Variants in ATG3 observed in about 807,000 individuals in gnomAD.
The protein encoded by ATG3 is ubiquitin-like-conjugating enzyme ATG3.
ATG3 carries 25 observed loss-of-function variants against 50.7 expected under a neutral mutation model. That is an observed-to-expected ratio of 0.49 (90% CI 0.36 to 0.69). The LOEUF (loss-of-function observed/expected upper bound fraction) is 0.69. Ranked by LOEUF, ATG3 falls within the 30% of genes least tolerant of loss-of-function variation. ATG3 has a pLI of 0.00. For missense variants in ATG3, 281 were observed against 376.0 expected (o/e 0.75, Z 2.09); for synonymous variants, 119 against 125.5 (o/e 0.95, Z 0.34).
intron 10 of ATG3, chr3:112,535,032 T>C (rs563435248): frequency 1.8e-4 from 28 of 152,270 alleles, no homozygotes; most frequent in African/African-American, 6.3e-4. Flanking sequence ...TATGAAGTTT[T>C]TGTCCTATCT....
intron 7 of ATG3, chr3:112,538,444 G>A (rs1388442): frequency 0.99 from 329,831 of 334,684 alleles, 162,545 homozygotes; most frequent in Admixed American, 0.99. Flanking sequence ...GCCTACTTCT[G>A]TAACTGCGTA....
At chr3:112,536,848 G>C in intron 9 of ATG3, 1 of 224,578 alleles carries the variant, frequency 4.5e-6, no homozygotes, top group Non-Finnish European at 8.5e-6. Context: ...GTAAACCCGG[G>C]AGGCAGAGCT....
intron 6 of ATG3, 131 bp from the exon 7 acceptor site, chr3:112,542,015 T>G (rs1933245043): frequency 1.7e-6 from 1 of 599,168 alleles, no homozygotes; most frequent in Non-Finnish European, 2.8e-6. Flanking sequence ...CACAAAAACC[T>G]TAAACTCCAA....
intron 2 of ATG3, 62 bp from the exon 3 acceptor site, chr3:112,553,391 G>A: frequency 3.4e-6 from 5 of 1,472,812 alleles, no homozygotes; most frequent in Non-Finnish European, 4.8e-6. Context: ...ATCACTGAAT[G>A]TGCAAGGTGG....
At position 112,537,743 on chromosome 3, in the gene ATG3, A is replaced by G; in HGVS notation, c.658T>C (p.Tyr220His). 3 of 1,573,266 alleles carry G rather than the reference A, an allele frequency of 1.9e-6. No homozygotes were observed. The highest frequency in any genetic ancestry group is 2.6e-6 in the Non-Finnish European group (3 of 1,165,004). The change falls in exon 9 of 12, where the codon TAT becomes CAT. Residue 220 changes from tyrosine to histidine, a missense_variant. Tyr to His is a moderately conservative substitution (Grantham distance 83). Coordinates refer to ENST00000283290, the MANE Select transcript of ATG3 (RefSeq NM_022488.5). Reference protein sequence around the residue: ...YQTPRLWLFGYDEQRQPLTVE... With the variant: ...YQTPRLWLFGHDEQRQPLTVE... ...ATGCTTTTCATTTTTACCTCATCAT[A>G]GCCAAACAACCATAATCGTGGAGTC...
chr3:112,534,048 T>C (rs1226985063), intron 11 of ATG3: 2 of 1,254,532 alleles, frequency 1.6e-6, no homozygotes, highest in Non-Finnish European at 2.0e-6. Flanking sequence ...GTAACAAGGG[T>C]GAGCTACTGC....
chr3:112,557,646 A>G (rs1238600370), intron 2 of ATG3, among the ~76,000 whole-genome samples: 1 of 152,164 alleles, frequency 6.6e-6, no homozygotes, highest in Non-Finnish European at 1.5e-5. Context: ...AACCACAAAG[A>G]TTTGGAACTA....
chr3:112,561,480 C>T lies in ATG3; in HGVS notation c.49G>A (p.Glu17Lys). The change falls in exon 1 of 12, where the codon GAG becomes AAG. Residue 17 changes from glutamate (E) to lysine (K), a missense_variant. By Grantham distance (56) the Glu-to-Lys change is moderately conservative. Coordinates refer to ENST00000283290, the MANE Select transcript of ATG3 (RefSeq NM_022488.5). ...TVKGKALEVAEYLTPVLKESK... is the reference protein window; with the variant it reads ...TVKGKALEVAKYLTPVLKESK... ...ACCTTGAGGACCGGGGTCAGGTACTCAGCCACTTCCAGTGCCTTTCCCTTC... is the reference window on the plus strand; with the variant it reads ...ACCTTGAGGACCGGGGTCAGGTACTTAGCCACTTCCAGTGCCTTTCCCTTC... 1.2e-6 allele frequency: 2 copies of T among 1,613,444 alleles called. No individual in the cohort carries two copies. The highest frequency in any genetic ancestry group is 1.7e-6 in the Non-Finnish European group (2 of 1,179,994).
intron 7 of ATG3, among the ~76,000 whole-genome samples, chr3:112,540,597 GA>G (rs761619351): frequency 1.3e-5 from 2 of 149,104 alleles, no homozygotes; most frequent in South Asian, 4.2e-4. Context: ...CATTATAGAA[GA>G]AAAAATCTGG....
chr3:112,558,854 A>T (rs1255314493), intron 1 of ATG3, among the ~76,000 whole-genome samples: 1 of 151,834 alleles, frequency 6.6e-6, no homozygotes, highest in Non-Finnish European at 1.5e-5. Context: ...CTCCTGCCTC[A>T]GCCTCCTGCC....
intron 2 of ATG3, among the ~76,000 whole-genome samples, chr3:112,553,725 A>T (rs1933589373): frequency 6.6e-6 from 1 of 152,230 alleles, no homozygotes; most frequent in Non-Finnish European, 1.5e-5. Flanking sequence ...CCAATGACTG[A>T]AAATACAATA....
In ATG3 at chr3:112,544,040, A is replaced by G. The variant is rs1318503073; in HGVS notation, c.393+17T>C. On this transcript the variant is annotated intron_variant, in intron 6 of 11. Transcript: ENST00000283290. ...AACTACTCATTAAATTTAAAAATATAACTAATTAACCAGTACCTTATTTTC... is the reference window on the plus strand; with the variant it reads ...AACTACTCATTAAATTTAAAAATATGACTAATTAACCAGTACCTTATTTTC... 7.7e-6 allele frequency: 12 copies of G among 1,549,648 alleles called. No individual in the cohort carries two copies. Among genetic ancestry groups the G allele is most frequent in the Non-Finnish European group, 1.1e-5 (12 of 1,123,920 alleles).
intron 11 of ATG3, 146 bp from the exon 12 acceptor site, chr3:112,532,926 T>C (rs2082566504): frequency 3.0e-6 from 4 of 1,315,650 alleles, no homozygotes; most frequent in Non-Finnish European, 3.9e-6. Context: ...AATTCAACTA[T>C]GCAAATTTGT....
chr3:112,537,645 G>T, intron 9 of ATG3, 90 bp downstream of exon 9: 1 of 953,902 alleles, frequency 1.0e-6, no homozygotes. Flanking sequence ...GTGAAACACT[G>T]CAATAAATAC....
Position 112,553,240 on chromosome 3 carries a change from C to T in ATG3, c.164+40G>A, listed in dbSNP as rs754996937. On this transcript the variant is annotated intron_variant, in intron 3 of 11. Coordinates refer to ENST00000283290, the MANE Select transcript of ATG3 (RefSeq NM_022488.5). ...AAATTGCTATAATTCTGAAGCCATGCATTTTACTAATTTTCTATTCTTTAC... is the reference window on the plus strand; with the variant it reads ...AAATTGCTATAATTCTGAAGCCATGTATTTTACTAATTTTCTATTCTTTAC... 1.8e-5 allele frequency: 27 copies of T among 1,533,866 alleles called. No individual in the cohort carries two copies. In the South Asian group the frequency reaches 2.9e-4, roughly 17 times the overall value.
At position 112,561,785 on chromosome 3, in the gene ATG3, C is replaced by A. The variant is rs1933899286; in HGVS notation, c.-257G>T. 4.1e-6 allele frequency: 2 copies of A among 485,168 alleles called. No individual in the cohort carries two copies. The highest frequency in any genetic ancestry group is 7.3e-6 in the Non-Finnish European group (2 of 275,514). The allele number at this position is 485,168 out of a possible 1,614,324, so 30.1% of individuals were successfully genotyped here. On this transcript the variant is annotated 5_prime_UTR_variant, in exon 1 of 12. Coordinates refer to ENST00000283290, the MANE Select transcript of ATG3 (RefSeq NM_022488.5). ...CGGACCGGACCCAGCTGTCACCCAG[C>A]CGCGAGGGAGGGCAGCGGGGCCGAA...
chr3:112,532,710 A>G lies in ATG3; in HGVS notation c.934T>C (p.Phe312Leu). 1 of 1,586,796 alleles carries G rather than the reference A, an allele frequency of 6.3e-7. No homozygotes were observed. The highest frequency in any genetic ancestry group is 8.6e-7 in the Non-Finnish European group (1 of 1,166,724). Residue 312 changes from phenylalanine (F) to leucine (L), a missense_variant, in exon 12 of 12, where the codon TTC (phenylalanine) becomes CTC (leucine). By Grantham distance (22) the Phe-to-Leu change is conservative. This residue lies in a region of ATG3 where 242 missense variants were observed against 305.0 expected (regional missense o/e 0.79). Transcript: ENST00000283290. ...PTIEYDYTRHFTM is the reference protein window; with the variant it reads ...PTIEYDYTRHLTM ...TTATGCTCTCTTCATTACATTGTGA[A>G]GTGTCTTGTGTAGTCATATTCTATT...
rs143658116 is a variant in ATG3, at chr3:112,544,074, T to G, written c.376A>C (p.Ile126Leu). 1,208 of 1,602,110 alleles carry G rather than the reference T, an allele frequency of 7.5e-4. 8 individuals carry two copies. In the African/African-American group the frequency reaches 0.013, roughly 18 times the overall value. Residue 126 changes from isoleucine to leucine, a missense_variant, in exon 6 of 12, where the codon ATC becomes CTC. Ile to Leu is a conservative substitution (Grantham distance 5, BLOSUM62 2). Transcript: ENST00000283290. ...ACCAGTACCTTATTTTCCAGTGTGA[T>G]CTCTTTAACGGCTTCCGTTATTCCT... ...ITGITEAVKE[I>L]TLENKDNIRL...
At chr3:112,535,788 G>T (rs1002592491) in intron 10 of ATG3, 9 of 152,126 alleles carry the variant, frequency 5.9e-5, no homozygotes, top group African/African-American at 2.2e-4. Flanking sequence ...ATTGTTACTA[G>T]TATGTTACCA....
Sources: gnomAD v4.1 joint callset for allele counts (sites outside exome capture counted in the v4.1 genomes callset) on GRCh38, gnomAD v4.1.1 for gene constraint, gnomAD v4.1.1 regional missense constraint, MANE v1.5 for transcripts, NCBI Gene and HGNC (gene_info 2026-07-23, HGNC 2026-07-21) for gene names.